Variants in VWC2L observed in about 807,000 individuals in gnomAD.
The protein encoded by VWC2L is von Willebrand factor C domain-containing protein 2-like.
In VWC2L, 10 loss-of-function variants were observed where a neutral mutation model predicts 21.6. The ratio of observed to expected loss-of-function variants is 0.46; its 90% CI spans 0.29 to 0.78. The LOEUF is 0.78. Ranked by LOEUF, VWC2L falls within the 30% of genes least tolerant of loss-of-function variation. VWC2L has a pLI of 0.10. For synonymous variants in VWC2L, 96 were observed against 94.3 expected (o/e 1.02, Z -0.10); for missense variants, 209 against 277.1 (o/e 0.75, Z 1.74).
chr2:214,558,634 T>C (rs1365669778), intron 3 of VWC2L, among the ~76,000 whole-genome samples: 5 of 152,150 alleles, frequency 3.3e-5, no homozygotes, highest in Non-Finnish European at 1.5e-5. Flanking sequence ...CCCACAATTA[T>C]CTTTGCCTGG....
rs761759449 is a variant in VWC2L, at chr2:214,421,885, C to CTTTTTTTTTTTTTTTTTTTTTTTTTTT, written c.390+7326_390+7327insTTTTTTTTTTTTTTTTTTTTTTTTTTT. 4.1e-4 allele frequency among the ~76,000 whole-genome samples: 31 copies of CTTTTTTTTTTTTTTTTTTTTTTTTTTT among 76,168 alleles called. 9 individuals carry two copies. Among genetic ancestry groups the CTTTTTTTTTTTTTTTTTTTTTTTTTTT allele is most frequent in the African/African-American group, 1.3e-3 (20 of 15,716 alleles). The allele number at this position is 76,168 out of a possible 152,430, so 50.0% of individuals were successfully genotyped here. On this transcript the variant is annotated intron_variant, in intron 2 of 3. Transcript: ENST00000312504. ...CATAATTTTTTTCTATTTCCTACAT[C>CTTTTTTTTTTTTTTTTTTTTTTTTTTT]TTTTTTTTTTTTTTTTTTTTTTTTG...
rs920318623 is a variant in VWC2L, at chr2:214,438,501, C to T, written c.520+1743C>T. Among the ~76,000 whole-genome samples, 5 of 151,896 alleles carry T rather than the reference C, an allele frequency of 3.3e-5. No individual in the cohort carries two copies. In the South Asian group the frequency reaches 8.3e-4, roughly 25 times the overall value. ...TTGTCTTACTTTTAGCTTTGTCTCA[C>T]AATTATGGTTATAGTTAAAATTTCT... On this transcript the variant is annotated intron_variant, in intron 3 of 3. Coordinates refer to ENST00000312504, the MANE Select transcript of VWC2L (RefSeq NM_001080500.4).
chr2:214,464,127 T>C (rs1703182889), intron 3 of VWC2L, among the ~76,000 whole-genome samples: 1 of 152,136 alleles, frequency 6.6e-6, no homozygotes, highest in African/African-American at 2.4e-5. Context: ...GTCACATATC[T>C]TTATCACTCT....
intron 3 of VWC2L, among the ~76,000 whole-genome samples, chr2:214,505,600 C>T (rs1476425897): frequency 6.6e-6 from 1 of 151,988 alleles, no homozygotes; most frequent in African/African-American, 2.4e-5. Context: ...AAAGTCTTTT[C>T]TTCTGTTACA....
At chr2:214,438,942 C>T (rs1177347866) in intron 3 of VWC2L, among the ~76,000 whole-genome samples, 3 of 152,120 alleles carry the variant, frequency 2.0e-5, no homozygotes, top group Middle Eastern at 6.8e-3. Flanking sequence ...CTTCTGTTCC[C>T]TCTTGGTACT....
At chr2:214,423,357 A>G (rs756021522) in intron 2 of VWC2L, among the ~76,000 whole-genome samples, 3 of 152,304 alleles carry the variant, frequency 2.0e-5, no homozygotes, top group Non-Finnish European at 4.4e-5. Flanking sequence ...AAAGACTAAC[A>G]GAAACTTAGT....
At chr2:214,510,066 G>T (rs904434742) in intron 3 of VWC2L, 1 of 152,162 alleles carries the variant, frequency 6.6e-6, no homozygotes, top group Non-Finnish European at 1.5e-5. Context: ...TGGTACAGAA[G>T]TCACCTGACT....
chr2:214,526,115 T>TAATC (rs1024463959), intron 3 of VWC2L, among the ~76,000 whole-genome samples: 7 of 150,736 alleles, frequency 4.6e-5, no homozygotes, highest in African/African-American at 1.7e-4. Context: ...CTATTATATA[T>TAATC]AATCACTCTG....
intron 3 of VWC2L, among the ~76,000 whole-genome samples, chr2:214,555,928 T>A (rs116747795): frequency 6.6e-6 from 1 of 152,294 alleles, no homozygotes; most frequent in Non-Finnish European, 1.5e-5. Flanking sequence ...CCATTTATGT[T>A]TATGATGAAA....
intron 3 of VWC2L, among the ~76,000 whole-genome samples, chr2:214,555,160 CT>C: frequency 6.6e-6 from 1 of 152,368 alleles, no homozygotes; most frequent in East Asian, 1.9e-4. Context: ...GAGTGTAACC[CT>C]TTCTACCAAT....
intron 3 of VWC2L, among the ~76,000 whole-genome samples, chr2:214,575,117 T>C (rs1432610091): frequency 1.3e-5 from 2 of 151,508 alleles, no homozygotes; most frequent in Non-Finnish European, 2.9e-5. Flanking sequence ...ACAAAGCTTG[T>C]TCAGGACATG....
In VWC2L at chr2:214,578,418, T is replaced by C. The variant is rs1690266513; in HGVS notation, c.*2598T>C. 6.6e-6 allele frequency: 1 copy of C among 152,158 alleles called. No homozygotes were observed. The highest frequency in any genetic ancestry group is 2.4e-5 in the African/African-American group (1 of 41,454). The allele number at this position is 152,158 out of a possible 1,614,324, so 9.4% of individuals were successfully genotyped here. On this transcript the variant is annotated 3_prime_UTR_variant, in exon 4 of 4. Coordinates refer to ENST00000312504, the MANE Select transcript of VWC2L (RefSeq NM_001080500.4). Reference sequence around the variant, plus strand: ...TGTTCTGTGGCCTCTGATAACCAGCTAGAGAGAGGGATTTTTATGGTTGGT... The same window carrying C: ...TGTTCTGTGGCCTCTGATAACCAGCCAGAGAGAGGGATTTTTATGGTTGGT...
At chr2:214,495,070 C>T (rs1574596740) in intron 3 of VWC2L, among the ~76,000 whole-genome samples, 1 of 152,134 alleles carries the variant, frequency 6.6e-6, no homozygotes, top group Middle Eastern at 3.2e-3. Flanking sequence ...GTCATACTTT[C>T]ATGTTAATGA....
chr2:214,443,565 G>A (rs1342045921), intron 3 of VWC2L, among the ~76,000 whole-genome samples: 1 of 152,094 alleles, frequency 6.6e-6, no homozygotes. Context: ...TGCCTTGTTA[G>A]TCATTTGAGG....
intron 2 of VWC2L, among the ~76,000 whole-genome samples, chr2:214,424,513 C>T (rs996217071): frequency 6.6e-6 from 1 of 152,124 alleles, no homozygotes; most frequent in African/African-American, 2.4e-5. Flanking sequence ...TCTCTATGTA[C>T]ACATCTATAA....
chr2:214,460,274 T>G (rs984384830), intron 3 of VWC2L, among the ~76,000 whole-genome samples: 4 of 152,230 alleles, frequency 2.6e-5, no homozygotes, highest in African/African-American at 9.6e-5. Flanking sequence ...TGGAGGTTTC[T>G]GAGCTTTTTG....
chr2:214,575,019 T>C (rs1254790211), intron 3 of VWC2L, among the ~76,000 whole-genome samples: 2 of 143,148 alleles, frequency 1.4e-5, no homozygotes, highest in African/African-American at 5.4e-5. Flanking sequence ...AAGCCCACTA[T>C]TTTGGGTCAT....
At chr2:214,469,183 T>G (rs1414381210) in intron 3 of VWC2L, among the ~76,000 whole-genome samples, 1 of 152,334 alleles carries the variant, frequency 6.6e-6, no homozygotes, top group East Asian at 1.9e-4. Context: ...CCATACATAT[T>G]GTGCCAATAA....
chr2:214,477,868 T>A (rs4673831), intron 3 of VWC2L, among the ~76,000 whole-genome samples: 1 of 152,198 alleles, frequency 6.6e-6, no homozygotes, highest in East Asian at 1.9e-4. Flanking sequence ...ATGTCACTTT[T>A]GTTCTGACGG....
Sources: gnomAD v4.1 joint callset for allele counts (sites outside exome capture counted in the v4.1 genomes callset) on GRCh38, gnomAD v4.1.1 for gene constraint, MANE v1.5 for transcripts, NCBI Gene and HGNC (gene_info 2026-07-23, HGNC 2026-07-21) for gene names.